Variants in EPHA3 observed in about 807,000 individuals in gnomAD.
EPHA3 encodes ephrin type-A receptor 3.
Under a neutral mutation model 107.1 loss-of-function variants are expected in EPHA3, and 42 were observed. The ratio of observed to expected loss-of-function variants is 0.39; its 90% CI spans 0.31 to 0.51. EPHA3 has a LOEUF of 0.51. EPHA3 is among the 20% of genes least tolerant of loss of function. The pLI is 0.78. For missense variants in EPHA3, 1,183 were observed against 1,211.2 expected (o/e 0.98, Z 0.35); for synonymous variants, 461 against 424.8 (o/e 1.09, Z -1.05).
chr3:89,201,623 A>G (rs1705970719), intron 2 of EPHA3, among the ~76,000 whole-genome samples: 1 of 152,162 alleles, frequency 6.6e-6, no homozygotes, highest in Non-Finnish European at 1.5e-5. Flanking sequence ...GCAGCTATTC[A>G]CCAAAAATTG....
chr3:89,324,155 C>CTTTT (rs749957896), intron 3 of EPHA3, among the ~76,000 whole-genome samples: 11 of 118,992 alleles, frequency 9.2e-5, no homozygotes, highest in African/African-American at 9.4e-5. Flanking sequence ...AGATGTCAGT[C>CTTTT]TTTTTTTTTT....
intron 5 of EPHA3, among the ~76,000 whole-genome samples, chr3:89,369,789 T>G (rs1360590044): frequency 2.7e-5 from 4 of 148,768 alleles, no homozygotes; most frequent in Non-Finnish European, 4.5e-5. Context: ...GAATCTACAA[T>G]GAACTCAAAC....
chr3:89,478,896 T>G (rs1710571232), intron 16 of EPHA3, among the ~76,000 whole-genome samples: 1 of 152,330 alleles, frequency 6.6e-6, no homozygotes, highest in African/African-American at 2.4e-5. Context: ...AATCAAGATG[T>G]TGGCAGTACC....
chr3:89,238,235 G>A (rs558859239), intron 3 of EPHA3, among the ~76,000 whole-genome samples: 3 of 152,094 alleles, frequency 2.0e-5, no homozygotes, highest in Admixed American at 6.5e-5. Flanking sequence ...CGCAGTATGG[G>A]GTAGCCAGAT....
intron 1 of EPHA3, among the ~76,000 whole-genome samples, chr3:89,126,134 T>C (rs1704092120): frequency 6.6e-6 from 1 of 151,696 alleles, no homozygotes; most frequent in Non-Finnish European, 1.5e-5. Flanking sequence ...TTTGTGTATA[T>C]ATGTAACCCC....
chr3:89,413,366 T>C, intron 10 of EPHA3, 100 bp downstream of exon 10: 5 of 1,445,372 alleles, frequency 3.5e-6, no homozygotes, highest in Non-Finnish European at 4.8e-6. Flanking sequence ...GGGAATTTTC[T>C]GATTTCATGA....
chr3:89,179,313 TATAG>T (rs1408295059), intron 2 of EPHA3, among the ~76,000 whole-genome samples: 1 of 152,052 alleles, frequency 6.6e-6, no homozygotes, highest in African/African-American at 2.4e-5. Flanking sequence ...GGGAATGGAG[TATAG>T]ATAGTTATCA....
chr3:89,348,630 AT>A (rs1707732221), intron 5 of EPHA3, among the ~76,000 whole-genome samples: 1 of 126,708 alleles, frequency 7.9e-6, no homozygotes, highest in Non-Finnish European at 1.6e-5. Flanking sequence ...TTCTGCTCTG[AT>A]TTTAGTTATT....
chr3:89,338,077 C>T (rs533739697), intron 3 of EPHA3, among the ~76,000 whole-genome samples: 1 of 152,160 alleles, frequency 6.6e-6, no homozygotes, highest in Non-Finnish European at 1.5e-5. Flanking sequence ...ATATTTTAAT[C>T]GGACTTCTGT....
At chr3:89,352,476 T>A (rs928833275) in intron 5 of EPHA3, among the ~76,000 whole-genome samples, 1 of 151,486 alleles carries the variant, frequency 6.6e-6, no homozygotes, top group East Asian at 1.9e-4. Flanking sequence ...CATGGTTTTA[T>A]GGCCTTTTAT....
At chr3:89,339,657 T>C (rs1360968385) in intron 3 of EPHA3, among the ~76,000 whole-genome samples, 14 of 152,204 alleles carry the variant, frequency 9.2e-5, no homozygotes, top group Non-Finnish European at 1.8e-4. Context: ...TGTATTTCTT[T>C]TCAGAAACAT....
At chr3:89,119,920 A>G (rs191608931) in intron 1 of EPHA3, among the ~76,000 whole-genome samples, 35 of 152,268 alleles carry the variant, frequency 2.3e-4, no homozygotes, top group African/African-American at 7.7e-4. Context: ...TTCTAAAGGA[A>G]ATACTACATT....
chr3:89,263,404 C>T (rs1705467650), intron 3 of EPHA3, among the ~76,000 whole-genome samples: 1 of 152,156 alleles, frequency 6.6e-6, no homozygotes, highest in Admixed American at 6.6e-5. Context: ...TTTGTATCCA[C>T]ACTTGTGGCT....
intron 3 of EPHA3, among the ~76,000 whole-genome samples, chr3:89,264,520 C>T (rs189910292): frequency 3.3e-5 from 5 of 152,180 alleles, no homozygotes; most frequent in South Asian, 2.1e-4. Flanking sequence ...CTGTTAGTTA[C>T]GTATTCTAAT....
chr3:89,170,875 G>T (rs1366416252), intron 2 of EPHA3, among the ~76,000 whole-genome samples: 1 of 151,574 alleles, frequency 6.6e-6, no homozygotes, highest in Admixed American at 6.6e-5. Flanking sequence ...TAGTTTTCTG[G>T]TCTAGTGGAT....
intron 15 of EPHA3, 73 bp from the exon 16 acceptor site, chr3:89,472,391 A>C (rs1226921563): frequency 6.9e-7 from 1 of 1,458,584 alleles, no homozygotes; most frequent in Non-Finnish European, 9.4e-7. Flanking sequence ...TGCCGATGTT[A>C]GTGTCAAATT....
In EPHA3 at chr3:89,407,378, T is replaced by C. The variant is rs1156248364; in HGVS notation, c.1697+7T>C. The C allele has an allele frequency of 4.4e-6, 7 of 1,607,594 alleles. No homozygotes were observed. The highest frequency in any genetic ancestry group is 1.7e-5 in the Admixed American group (1 of 59,866). The stretch of plus-strand genomic sequence containing the variant: ...TCTATGTTTTGATTGGGAGGTGAGT[T>C]CACAGTCTGTTTCACTATTCACTTT... On this transcript the variant is annotated splice_region_variant and intron_variant, in intron 8 of 16. Transcript: ENST00000336596.
chr3:89,421,331 T>TGAAG (rs940472459), intron 11 of EPHA3, among the ~76,000 whole-genome samples: 2 of 150,788 alleles, frequency 1.3e-5, no homozygotes, highest in South Asian at 2.1e-4. Context: ...AAAATATTGA[T>TGAAG]GAAGGAAGGA....
intron 3 of EPHA3, among the ~76,000 whole-genome samples, chr3:89,295,970 T>C (rs915154326): frequency 6.6e-6 from 1 of 152,168 alleles, no homozygotes; most frequent in Non-Finnish European, 1.5e-5. Flanking sequence ...TCTTTGCTCA[T>C]CCATAAGAAG....
Sources: gnomAD v4.1 joint callset for allele counts (sites outside exome capture counted in the v4.1 genomes callset) on GRCh38, gnomAD v4.1.1 for gene constraint, MANE v1.5 for transcripts, NCBI Gene and HGNC (gene_info 2026-07-23, HGNC 2026-07-21) for gene names.